Variants in AR observed in about 807,000 individuals in gnomAD.
The protein encoded by AR is dihydrotestosterone receptor.
A neutral mutation model predicts 53.9 loss-of-function variants in AR; 8 were observed. The observed-to-expected ratio is 0.15, with a 90% CI of 0.09 to 0.27. AR has a LOEUF of 0.27. AR is among the 10% of genes least tolerant of loss of function. The probability of loss-of-function intolerance (pLI) is 1.00; values close to 1 mark genes in which losing one functional copy is unlikely to be tolerated. For missense variants in AR, 639 were observed against 742.5 expected, an observed-to-expected ratio of 0.86 and a Z score of 1.62; for synonymous variants, 359 against 316.4, an observed-to-expected ratio of 1.13 and a Z score of -1.43.
intron 2 of AR, among the ~76,000 whole-genome samples, chrX:67,685,284 G>A (rs2075959597): frequency 9.0e-6 from 1 of 111,730 alleles, no homozygotes; most frequent in Admixed American, 9.6e-5. Context: ...TTGAGCAGCT[G>A]TAATTCTGAG....
At position 67,643,292 on chromosome X, in the gene AR, C is replaced by G. The variant is rs1027519087; in HGVS notation, c.1653C>G (p.Asp551Glu). 8.3e-6 allele frequency: 10 copies of G among 1,209,883 alleles called. No individual in the cohort carries two copies. Among genetic ancestry groups the G allele is most frequent in the Admixed American group, 4.4e-5 (2 of 45,648 alleles). ...ETARDHVLPI[D>E]YYFPPQKTCL... ...CCAGGGACCATGTTTTGCCCATTGA[C>G]TATTACTTTCCACCCCAGAAGACCT... The change falls in exon 2 of 8, where the codon GAC becomes GAG. Residue 551 changes from aspartate (D) to glutamate (E), a missense_variant. This residue lies in a region of AR where 423 missense variants were observed against 377.0 expected (regional missense o/e 1.12). Transcript: ENST00000374690.
At chrX:67,629,882 C>T (rs1924965346) in intron 1 of AR, among the ~76,000 whole-genome samples, 1 of 111,179 alleles carries the variant, frequency 9.0e-6, no homozygotes, top group African/African-American at 3.3e-5. Context: ...TTTCTGCCTT[C>T]ATTTCGTTAT....
At chrX:67,570,658 C>T (rs1921774928) in intron 1 of AR, among the ~76,000 whole-genome samples, 1 of 110,738 alleles carries the variant, frequency 9.0e-6, no homozygotes, top group South Asian at 3.9e-4. Context: ...TTTATTTGTA[C>T]TGCAAAGTCT....
rs1294750048 is a variant in AR, at chrX:67,726,103, T to G, written c.*2262T>G. On this transcript the variant is annotated 3_prime_UTR_variant, in exon 8 of 8. Transcript: ENST00000374690. ...CACAAGGGTTTCCTTCCCTGATTTC[T>G]GCATTGATATTAATAGCCAAACGAA... 5.7e-6 allele frequency: 1 copy of G among 174,282 alleles called. No individual in the cohort carries two copies. The highest frequency in any genetic ancestry group is 2.9e-5 in the African/African-American group (1 of 33,926). 14.4% of individuals were successfully genotyped at this position (174,282 alleles called of 1,213,427 possible).
chrX:67,562,792 G>A (rs1014853478), intron 1 of AR, among the ~76,000 whole-genome samples: 4 of 111,310 alleles, frequency 3.6e-5, no homozygotes, highest in Admixed American at 2.9e-4. Context: ...AACATAGTTG[G>A]ATGACCTCAG....
chrX:67,708,657 G>A (rs149630787), intron 3 of AR, among the ~76,000 whole-genome samples: 9,151 of 111,949 alleles, frequency 0.082, 286 homozygotes, highest in African/African-American at 0.11. Flanking sequence ...GTCATTCTCC[G>A]TCCAGGTTTG....
At chrX:67,576,347 C>T (rs150402147) in intron 1 of AR, among the ~76,000 whole-genome samples, 2,177 of 110,193 alleles carry the variant, frequency 0.02, 46 homozygotes, top group African/African-American at 0.068. Flanking sequence ...AGAATTCGTT[C>T]GCTGTTGCTT....
In AR at chrX:67,711,473, A is replaced by T; in HGVS notation, c.1957A>T (p.Thr653Ser). The change falls in exon 4 of 8, where the codon ACT becomes TCT. Residue 653 changes from threonine to serine, a missense_variant. Physicochemically the swap from Thr to Ser is moderately conservative, Grantham distance 58 (BLOSUM62 1). Around this residue, in one of 5 missense-constraint regions of AR, gnomAD observed 47 missense variants for 35.9 expected, o/e 1.31. Coordinates refer to ENST00000374690, the MANE Select transcript of AR (RefSeq NM_000044.6). ...AGAGGCTTCCAGCACCACCAGCCCC[A>T]CTGAGGAGACAACCCAGAAGCTGAC... ...EGEASSTTSP[T>S]EETTQKLTVS... 8.3e-7 allele frequency: 1 copy of T among 1,208,946 alleles called. No homozygotes were observed. The highest frequency in any genetic ancestry group is 1.1e-6 in the Non-Finnish European group (1 of 894,002).
intron 3 of AR, among the ~76,000 whole-genome samples, chrX:67,708,205 T>A (rs935191703): frequency 6.2e-5 from 7 of 112,010 alleles, no homozygotes; most frequent in African/African-American, 2.3e-4. Flanking sequence ...CTAGGTTGGG[T>A]AAGTTCTCCT....
At chrX:67,626,631 TA>T (rs1163368530) in intron 1 of AR, among the ~76,000 whole-genome samples, 8 of 100,204 alleles carry the variant, frequency 8.0e-5, no homozygotes, top group South Asian at 4.5e-4. Flanking sequence ...TATATATATA[TA>T]TATTTATTAT....
At chrX:67,661,579 G>A (rs957953673) in intron 2 of AR, among the ~76,000 whole-genome samples, 1 of 110,844 alleles carries the variant, frequency 9.0e-6, no homozygotes, top group Non-Finnish European at 1.9e-5. Flanking sequence ...TGATCATAGT[G>A]GATACGCTTT....
At chrX:67,634,824 G>C (rs1213733346) in intron 1 of AR, among the ~76,000 whole-genome samples, 1 of 111,579 alleles carries the variant, frequency 9.0e-6, no homozygotes, top group Non-Finnish European at 1.9e-5. Context: ...AAAAAGTCAT[G>C]TAGGGATGTC....
chrX:67,691,146 G>T (rs1873893473), intron 3 of AR, among the ~76,000 whole-genome samples: 1 of 112,181 alleles, frequency 8.9e-6, no homozygotes, highest in Non-Finnish European at 1.9e-5. Flanking sequence ...AGGAAGGCCA[G>T]CTAGAGAGAA....
At chrX:67,574,755 G>T (rs1921974909) in intron 1 of AR, among the ~76,000 whole-genome samples, 2 of 111,955 alleles carry the variant, frequency 1.8e-5, no homozygotes, top group African/African-American at 6.5e-5. Flanking sequence ...CAAAGGGAAA[G>T]ATGTCAGTAA....
intron 3 of AR, among the ~76,000 whole-genome samples, chrX:67,703,032 C>T (rs1468204276): frequency 4.5e-5 from 5 of 111,106 alleles, no homozygotes; most frequent in Admixed American, 3.8e-4. Context: ...GAGCTTTGAT[C>T]GTGCCACTGC....
chrX:67,637,776 T>C (rs945233300), intron 1 of AR, among the ~76,000 whole-genome samples: 1 of 111,601 alleles, frequency 9.0e-6, no homozygotes, highest in African/African-American at 3.3e-5. Flanking sequence ...TAAAGGTCCT[T>C]TACAAAATGA....
At chrX:67,671,556 C>G (rs929068256) in intron 2 of AR, among the ~76,000 whole-genome samples, 1 of 112,003 alleles carries the variant, frequency 8.9e-6, no homozygotes, top group African/African-American at 3.2e-5. Flanking sequence ...GTTGCCTGTT[C>G]CCTCTGCTGA....
Position 67,728,320 on chromosome X carries a change from C to G in AR, c.*4479C>G, listed in dbSNP as rs985674296. Reference sequence around the variant, plus strand: ...GTAGTTGCTGAGCAAATTGTTGAAGCTCCATCATTGCATGGTTGGAAATGG... The same window carrying G: ...GTAGTTGCTGAGCAAATTGTTGAAGGTCCATCATTGCATGGTTGGAAATGG... On this transcript the variant is annotated 3_prime_UTR_variant, in exon 8 of 8. Coordinates refer to ENST00000374690, the MANE Select transcript of AR (RefSeq NM_000044.6). The G allele has an allele frequency of 1.9e-5, 3 of 160,760 alleles. No individual in the cohort carries two copies. Among genetic ancestry groups the G allele is most frequent in the African/African-American group, 9.3e-5 (3 of 32,304 alleles). The allele number at this position is 160,760 out of a possible 1,213,427, so 13.2% of individuals were successfully genotyped here. A position where few individuals can be genotyped will look rare whatever the true frequency, so the allele number is the denominator to read the frequency against.
At chrX:67,563,411 T>C (rs1166567576) in intron 1 of AR, among the ~76,000 whole-genome samples, 1 of 111,885 alleles carries the variant, frequency 8.9e-6, no homozygotes, top group Non-Finnish European at 1.9e-5. Flanking sequence ...TGTTGGGTTT[T>C]TGTGAATATA....
Sources: allele counts gnomAD v4.1 joint callset (sites outside exome capture counted in the v4.1 genomes callset), GRCh38; gene constraint gnomAD v4.1.1; regional missense constraint gnomAD v4.1.1; transcripts MANE v1.5; gene names NCBI Gene and HGNC (gene_info 2026-07-23, HGNC 2026-07-21).